Variants in SCARA3 observed in about 807,000 individuals in gnomAD.
The protein encoded by SCARA3 is cellular stress response gene protein.
Under a neutral mutation model 47.0 loss-of-function variants are expected in SCARA3, and 39 were observed. That is an observed-to-expected ratio of 0.83 (90% CI 0.64 to 1.08). SCARA3 has a LOEUF of 1.08. Ranked by LOEUF, SCARA3 falls within the 50% of genes least tolerant of loss-of-function variation. The pLI, the probability that SCARA3 is intolerant of heterozygous loss-of-function variation, is 0.00. For missense variants in SCARA3, 724 were observed against 792.3 expected, an observed-to-expected ratio of 0.91 and a Z score of 1.04; for synonymous variants, 356 against 334.1, an observed-to-expected ratio of 1.07 and a Z score of -0.71.
At chr8:27,641,532 G>A (rs148374842) in intron 1 of SCARA3, among the ~76,000 whole-genome samples, 62 of 152,340 alleles carry the variant, frequency 4.1e-4, no homozygotes, top group Non-Finnish European at 7.6e-4. Context: ...GGCTTCTCTA[G>A]TGCAATTCGA....
At chr8:27,645,943 T>C (rs967311025) in intron 1 of SCARA3, among the ~76,000 whole-genome samples, 1 of 152,220 alleles carries the variant, frequency 6.6e-6, no homozygotes, top group Non-Finnish European at 1.5e-5. Context: ...TGGTATAACA[T>C]GAACATAATG....
intron 5 of SCARA3, among the ~76,000 whole-genome samples, chr8:27,665,984 T>A (rs1245726475): frequency 6.6e-6 from 1 of 152,238 alleles, no homozygotes; most frequent in Non-Finnish European, 1.5e-5. Flanking sequence ...TACAAAGGGA[T>A]TCAATCTGCA....
chr8:27,706,113 C>G, the SCARA3 span, among the ~76,000 whole-genome samples: 1 of 152,032 alleles, frequency 6.6e-6, no homozygotes, highest in Admixed American at 6.6e-5. Context: ...GAAGGTCTGA[C>G]TATGGAGGCC....
intron 1 of SCARA3, among the ~76,000 whole-genome samples, chr8:27,645,018 AT>A (rs1801462217): frequency 6.6e-6 from 1 of 152,116 alleles, no homozygotes; most frequent in Non-Finnish European, 1.5e-5. Context: ...TAGAGCCAAC[AT>A]TTTGCTCCTA....
chr8:27,641,583 G>T (rs1801383122), intron 1 of SCARA3, among the ~76,000 whole-genome samples: 1 of 152,240 alleles, frequency 6.6e-6, no homozygotes, highest in Non-Finnish European at 1.5e-5. Flanking sequence ...GGCCAGGAGA[G>T]AGAACTACAG....
At chr8:27,689,984 A>AT in the SCARA3 span, among the ~76,000 whole-genome samples, 1 of 152,096 alleles carries the variant, frequency 6.6e-6, no homozygotes, top group East Asian at 1.9e-4. Flanking sequence ...TACAATAAAG[A>AT]TTTTTTTAAA....
At chr8:27,703,909 A>G in the SCARA3 span, 1 of 144,318 alleles carries the variant, frequency 6.9e-6, no homozygotes, top group Non-Finnish European at 1.5e-5. Flanking sequence ...GGAAAAAAAC[A>G]TAATGGAAAA....
rs926228897 is a variant in SCARA3 at position 27,659,165 on chromosome 8, C to T, written c.995C>T (p.Thr332Ile). The T allele has an allele frequency of 4.3e-6, 7 of 1,614,024 alleles. No homozygotes were observed. Among genetic ancestry groups the T allele is most frequent in the African/African-American group, 4.0e-5 (3 of 74,906 alleles). ...EENMHDLQYH[T>I]HYAQNRTVER... is the part of the protein sequence containing the mutation. ...AACATGCATGATCTTCAGTACCATA[C>T]CCACTACGCCCAGAACCGCACTGTG... is the stretch of plus-strand genomic sequence containing the variant. The change falls in exon 5 of 6, where the codon ACC becomes ATC. Residue 332 changes from threonine to isoleucine, a missense_variant. Coordinates refer to ENST00000301904, the MANE Select transcript of SCARA3 (RefSeq NM_016240.3).
chr8:27,649,949 A>T, intron 2 of SCARA3, 149 bp downstream of exon 2: 1 of 657,280 alleles, frequency 1.5e-6, no homozygotes, highest in Non-Finnish European at 2.6e-6. Context: ...GAAAGGGCAG[A>T]GTTCACGGCC....
chr8:27,634,174 C>A lies in SCARA3; in HGVS notation c.-27C>A. 2 of 1,439,344 alleles carry A rather than the reference C, an allele frequency of 1.4e-6. No homozygotes were observed. The highest frequency in any genetic ancestry group is 2.7e-5 in the East Asian group (1 of 36,572). 89.2% of individuals were successfully genotyped at this position (1,439,344 alleles called of 1,614,324 possible). On this transcript the variant is annotated 5_prime_UTR_variant, in exon 1 of 6. Coordinates refer to ENST00000301904, the MANE Select transcript of SCARA3 (RefSeq NM_016240.3). ...CAGCTCCAGCCGCCTGCAGCGGGGC[C>A]CTCCTGAGGCCCCAGAGGAAGAGAC... is the stretch of plus-strand genomic sequence containing the variant.
chr8:27,647,469 G>A (rs1399781352), intron 1 of SCARA3, among the ~76,000 whole-genome samples: 1 of 152,176 alleles, frequency 6.6e-6, no homozygotes. Flanking sequence ...TAGAACTGCT[G>A]GGAAGCCTAA....
the SCARA3 span, among the ~76,000 whole-genome samples, chr8:27,684,790 T>C: frequency 6.6e-6 from 1 of 152,074 alleles, no homozygotes; most frequent in African/African-American, 2.4e-5. Context: ...CTCAAGAGGC[T>C]GAAGCAGGAG....
In SCARA3 at chr8:27,656,803, T is replaced by A. The variant is rs1343995590; in HGVS notation, c.248T>A (p.Leu83His). The A allele has an allele frequency of 1.2e-6, 2 of 1,612,022 alleles. No homozygotes were observed. The highest frequency in any genetic ancestry group is 3.3e-5 in the Admixed American group (2 of 60,018). The part of the protein sequence containing the change: ...ASLVFRKVDS[L>H]SEDISLTQSI... ...ACAGTTTTCAGAAAAGTGGACTCTC[T>A]CTCCGAAGACATCTCCTTGACCCAG... The change falls in exon 4 of 6, where the codon CTC becomes CAC. Residue 83 changes from leucine (L) to histidine (H), a missense_variant. Transcript: ENST00000301904.
At chr8:27,663,275 T>C (rs925962529) in intron 5 of SCARA3, among the ~76,000 whole-genome samples, 5 of 152,218 alleles carry the variant, frequency 3.3e-5, no homozygotes, top group African/African-American at 1.2e-4. Flanking sequence ...TTTCAGGTGG[T>C]ACCTACATGT....
At chr8:27,729,794 T>TA in the SCARA3 span, among the ~76,000 whole-genome samples, 3,692 of 151,876 alleles carry the variant, frequency 0.024, 176 homozygotes, top group African/African-American at 0.085. Flanking sequence ...ATCTCCAATT[T>TA]AAAAAAATTA....
chr8:27,660,225 G>C (rs1162262068), intron 5 of SCARA3, among the ~76,000 whole-genome samples: 1 of 151,944 alleles, frequency 6.6e-6, no homozygotes, highest in African/African-American at 2.4e-5. Flanking sequence ...GAGAGAGACA[G>C]AGAGATCCAC....
chr8:27,655,232 G>C lies in SCARA3; in HGVS notation c.227-1550G>C, dbSNP rs540045248. On this transcript the variant is annotated intron_variant, in intron 3 of 5. Coordinates refer to ENST00000301904, the MANE Select transcript of SCARA3 (RefSeq NM_016240.3). ...ATATGATTGAACTGAGCTCAAGAAA[G>C]GGTAACTGACTTGCCCAAAGTCACC... Among the ~76,000 whole-genome samples, 4 of 152,182 alleles carry C rather than the reference G, an allele frequency of 2.6e-5. No individual in the cohort carries two copies. The East Asian group carries it at 7.7e-4, about 29-fold the overall frequency.
the SCARA3 span, among the ~76,000 whole-genome samples, chr8:27,724,666 A>G: frequency 6.6e-6 from 1 of 152,068 alleles, no homozygotes; most frequent in Admixed American, 6.6e-5. Context: ...TCAAAACAAA[A>G]CCAAACAAAA....
At chr8:27,656,738 T>A in intron 3 of SCARA3, 44 bp from the exon 4 acceptor site, 1 of 1,241,560 alleles carries the variant, frequency 8.1e-7, no homozygotes, top group Middle Eastern at 1.9e-4. Context: ...GCTGTTTCTC[T>A]GAGCTTAGAC....
Sources: gnomAD v4.1 joint callset for allele counts (sites outside exome capture counted in the v4.1 genomes callset) on GRCh38, gnomAD v4.1.1 for gene constraint, MANE v1.5 for transcripts, NCBI Gene and HGNC (gene_info 2026-07-23, HGNC 2026-07-21) for gene names.